The following FAM53A variants were observed in gnomAD, a reference collection of about 807,000 sequenced individuals.
FAM53A encodes protein FAM53A.
Under a neutral mutation model 26.6 loss-of-function variants are expected in FAM53A, and 28 were observed. The observed-to-expected ratio is 1.05, with a 90% confidence interval of 0.78 to 1.45. The LOEUF (loss-of-function observed/expected upper bound fraction) is 1.45, where lower values mean the gene tolerates loss of function less well. FAM53A is among the 40% of genes most tolerant of loss of function. FAM53A has a pLI of 0.00. For missense variants in FAM53A, 650 were observed against 575.8 expected, an observed-to-expected ratio of 1.13 and a Z score of -1.32; for synonymous variants, 290 against 253.1, an observed-to-expected ratio of 1.15 and a Z score of -1.38.
At chr4:1,587,744 A>G in the FAM53A span, among the ~76,000 whole-genome samples, 21 of 152,286 alleles carry the variant, frequency 1.4e-4, no homozygotes, top group Admixed American at 5.9e-4. Flanking sequence ...CCACAAAAAC[A>G]TGGATTTATC....
At chr4:1,577,349 C>G in the FAM53A span, among the ~76,000 whole-genome samples, 3 of 152,214 alleles carry the variant, frequency 2.0e-5, no homozygotes, top group African/African-American at 4.8e-5. Context: ...GGCCTGTGCT[C>G]AGGGCTCAGG....
intron 1 of FAM53A, among the ~76,000 whole-genome samples, chr4:1,680,567 A>C (rs542296054): frequency 6.6e-6 from 1 of 152,200 alleles, no homozygotes; most frequent in Non-Finnish European, 1.5e-5. Flanking sequence ...AAACTTGGAA[A>C]CAACCAAGAT....
downstream of FAM53A, among the ~76,000 whole-genome samples, chr4:1,615,396 A>ACGCC (rs2108731911): frequency 6.8e-5 from 10 of 146,100 alleles, no homozygotes; most frequent in South Asian, 4.5e-4. Flanking sequence ...GGATGCGGCC[A>ACGCC]CATCCACCCC....
At chr4:1,636,676 G>A (rs1715853410), downstream of FAM53A, among the ~76,000 whole-genome samples, 1 of 152,242 alleles carries the variant, frequency 6.6e-6, no homozygotes, top group African/African-American at 2.4e-5. Flanking sequence ...CAGCAGCCAA[G>A]AATTGGCCAA....
intron 1 of FAM53A, among the ~76,000 whole-genome samples, chr4:1,622,047 C>T (rs1483264618): frequency 1.3e-5 from 2 of 152,198 alleles, no homozygotes; most frequent in Admixed American, 6.5e-5. Flanking sequence ...CTTCCTCCTT[C>T]CCCTCTGCCC....
chr4:1,670,687 T>C (rs1406416340), intron 1 of FAM53A, among the ~76,000 whole-genome samples: 1 of 152,122 alleles, frequency 6.6e-6, no homozygotes, highest in African/African-American at 2.4e-5. Context: ...TGTCGTGCAC[T>C]GGGCTAGGGT....
the FAM53A span, among the ~76,000 whole-genome samples, chr4:1,585,384 T>C: frequency 6.9e-6 from 1 of 145,168 alleles, no homozygotes; most frequent in Non-Finnish European, 1.5e-5. Flanking sequence ...CCTCCCAGGT[T>C]CAAGCAATTC....
chr4:1,638,222 G>A (rs1004594446), downstream of FAM53A, among the ~76,000 whole-genome samples: 9 of 152,158 alleles, frequency 5.9e-5, no homozygotes, highest in Admixed American at 1.3e-4. Context: ...CAGGAAACAC[G>A]CAGACACGCC....
At chr4:1,612,704 C>T in the FAM53A span, among the ~76,000 whole-genome samples, 13 of 152,330 alleles carry the variant, frequency 8.5e-5, no homozygotes, top group South Asian at 2.1e-4. Context: ...CACCCACATG[C>T]GCACAGCATA....
chr4:1,592,672 G>A, the FAM53A span, among the ~76,000 whole-genome samples: 1 of 152,188 alleles, frequency 6.6e-6, no homozygotes, highest in Non-Finnish European at 1.5e-5. Flanking sequence ...CTGGGGATGG[G>A]AGGGCAGGAT....
intron 4 of FAM53A, among the ~76,000 whole-genome samples, chr4:1,645,691 C>T (rs1157256255): frequency 6.6e-6 from 1 of 152,216 alleles, no homozygotes; most frequent in Non-Finnish European, 1.5e-5. Flanking sequence ...CAGTGCGCCC[C>T]CTGCCCAGCA....
chr4:1,675,218 C>T (rs1014875477), intron 1 of FAM53A, among the ~76,000 whole-genome samples: 2 of 152,206 alleles, frequency 1.3e-5, no homozygotes, highest in Admixed American at 6.5e-5. Flanking sequence ...AGAAACCTGG[C>T]TCCCGCTGCC....
At chr4:1,675,166 C>T (rs1055849787) in intron 1 of FAM53A, among the ~76,000 whole-genome samples, 1 of 152,210 alleles carries the variant, frequency 6.6e-6, no homozygotes, top group African/African-American at 2.4e-5. Context: ...GGGAAGAGAC[C>T]TCTGGGTTCC....
At chr4:1,597,418 TG>T in the FAM53A span, among the ~76,000 whole-genome samples, 6,880 of 151,984 alleles carry the variant, frequency 0.045, 511 homozygotes, top group African/African-American at 0.15. Flanking sequence ...AAACACGCAC[TG>T]GGGGACCAGG....
chr4:1,676,797 C>T (rs1715076825), intron 1 of FAM53A, among the ~76,000 whole-genome samples: 1 of 152,180 alleles, frequency 6.6e-6, no homozygotes, highest in African/African-American at 2.4e-5. Flanking sequence ...CCAATACGGC[C>T]GTGTGAACAT....
chr4:1,683,459 G>C (rs1715595311), intron 1 of FAM53A: 1 of 152,202 alleles, frequency 6.6e-6, no homozygotes, highest in African/African-American at 2.4e-5. Flanking sequence ...AGGGGAAAGA[G>C]TGGAACAAGG....
At chr4:1,673,716 G>A (rs1431999114) in intron 1 of FAM53A, among the ~76,000 whole-genome samples, 3 of 152,190 alleles carry the variant, frequency 2.0e-5, no homozygotes, top group East Asian at 3.9e-4. Context: ...TGTGGTGACC[G>A]AGCGAGACTC....
At chr4:1,581,348 C>T in the FAM53A span, among the ~76,000 whole-genome samples, 3 of 152,194 alleles carry the variant, frequency 2.0e-5, no homozygotes, top group African/African-American at 7.2e-5. Flanking sequence ...GTCTTGCATG[C>T]CACAGTTGCT....
Position 1,655,026 on chromosome 4 carries a change from C to T in FAM53A, c.834G>A (p.Glu278=). ...KRSRRKRRRE[E]DARWTRPSLD... Reference sequence around the variant, plus strand: ...AGGATGGGCGTGTCCACCTGGCGTCCTCCTCACGCCTCCGTTTGCGCCGGC... The same window carrying T: ...AGGATGGGCGTGTCCACCTGGCGTCTTCCTCACGCCTCCGTTTGCGCCGGC... Residue 278 remains glutamate (E), a synonymous_variant, in exon 4 of 5, where the codon GAG becomes GAA. Transcript: ENST00000308132. 6.4e-7 allele frequency: 1 copy of T among 1,565,030 alleles called. No individual in the cohort carries two copies. The highest frequency in any genetic ancestry group is 8.6e-7 in the Non-Finnish European group (1 of 1,156,424).
Sources: allele counts gnomAD v4.1 joint callset (sites outside exome capture counted in the v4.1 genomes callset), GRCh38; gene constraint gnomAD v4.1.1; transcripts MANE v1.5; gene names NCBI Gene and HGNC (gene_info 2026-07-23, HGNC 2026-07-21).